JAML: variants seen among roughly 807,000 people sequenced by gnomAD.
The protein encoded by JAML is junctional adhesion molecule-like.
A neutral mutation model predicts 39.3 loss-of-function variants in JAML; 25 were observed. The ratio of observed to expected loss-of-function variants is 0.64; its 90% CI spans 0.46 to 0.89. JAML has a LOEUF of 0.89. JAML is among the 40% of genes least tolerant of loss of function. The pLI, the probability that JAML is intolerant of heterozygous loss-of-function variation, is 0.00. For missense variants in JAML, 440 were observed against 486.9 expected (o/e 0.90, Z 0.91); for synonymous variants, 162 against 179.2 (o/e 0.90, Z 0.77).
intron 6 of JAML, 24 bp downstream of exon 6, chr11:118,203,404 G>A: frequency 6.2e-7 from 1 of 1,604,274 alleles, no homozygotes. Flanking sequence ...GTCCCTCAAT[G>A]CTCCCCAGCC....
At chr11:118,202,394 C>T (rs776209042) in intron 6 of JAML, 5 of 154,276 alleles carry the variant, frequency 3.2e-5, no homozygotes, top group Admixed American at 1.3e-4. Context: ...ATTGAGCAAA[C>T]GTATCCATTG....
At chr11:118,199,256 G>A (rs1434672539) in intron 7 of JAML, among the ~76,000 whole-genome samples, 1 of 152,134 alleles carries the variant, frequency 6.6e-6, no homozygotes, top group African/African-American at 2.4e-5. Context: ...CTTTCCTTTG[G>A]CGGGAAACTG....
intron 4 of JAML, among the ~76,000 whole-genome samples, chr11:118,206,623 A>G (rs1948921436): frequency 6.6e-6 from 1 of 152,294 alleles, no homozygotes; most frequent in East Asian, 1.9e-4. Context: ...CTTGCTAATT[A>G]GGCCAAGACA....
chr11:118,214,907 A>G (rs1160537926), intron 1 of JAML, 21 bp from the exon 2 acceptor site: 2 of 1,602,382 alleles, frequency 1.2e-6, no homozygotes, highest in African/African-American at 2.7e-5. Context: ...AAGAACAAAA[A>G]TCACAAAATC....
At chr11:118,217,752 A>T (rs1949161947) in intron 1 of JAML, among the ~76,000 whole-genome samples, 1 of 152,220 alleles carries the variant, frequency 6.6e-6, no homozygotes, top group Admixed American at 6.5e-5. Context: ...AGATGAGGAA[A>T]TGAGGCAGAG....
At chr11:118,208,335 T>TG (rs2134662794) in intron 4 of JAML, among the ~76,000 whole-genome samples, 1 of 152,100 alleles carries the variant, frequency 6.6e-6, no homozygotes, top group South Asian at 2.1e-4. Context: ...AAAATGACAA[T>TG]GAAAAAAAAG....
chr11:118,196,532 G>A (rs890792528), intron 9 of JAML, among the ~76,000 whole-genome samples: 1 of 152,150 alleles, frequency 6.6e-6, no homozygotes, highest in Admixed American at 6.5e-5. Flanking sequence ...ATAATCTCTG[G>A]TGATAACCTT....
chr11:118,197,934 C>G, intron 8 of JAML, 64 bp downstream of exon 8: 1 of 1,449,020 alleles, frequency 6.9e-7, no homozygotes, highest in Non-Finnish European at 9.7e-7. Flanking sequence ...ATATGGTTCC[C>G]GGGGGTATGA....
At chr11:118,195,793 C>T (rs1948640222) in intron 9 of JAML, among the ~76,000 whole-genome samples, 1 of 152,150 alleles carries the variant, frequency 6.6e-6, no homozygotes, top group Admixed American at 6.5e-5. Context: ...CAACACAATA[C>T]TTGCCCAAGG....
At chr11:118,214,740 G>T in intron 2 of JAML, 84 bp downstream of exon 2, 1 of 1,426,836 alleles carries the variant, frequency 7.0e-7, no homozygotes, top group Non-Finnish European at 9.8e-7. Flanking sequence ...CAAGGGAATC[G>T]AAAATATGTA....
intron 7 of JAML, among the ~76,000 whole-genome samples, chr11:118,198,382 G>A (rs200940925): frequency 6.6e-6 from 1 of 152,168 alleles, no homozygotes; most frequent in East Asian, 1.9e-4. Context: ...AATTTTAAGT[G>A]AATGAAGAGA....
chr11:118,221,145 T>C (rs574995219), intron 1 of JAML, among the ~76,000 whole-genome samples: 2 of 152,318 alleles, frequency 1.3e-5, no homozygotes, highest in African/African-American at 2.4e-5. Flanking sequence ...TCAGTCACCA[T>C]TGGAACTGAG....
intron 7 of JAML, among the ~76,000 whole-genome samples, chr11:118,200,177 T>C (rs185558013): frequency 6.6e-6 from 1 of 152,168 alleles, no homozygotes; most frequent in Non-Finnish European, 1.5e-5. Context: ...AATGGTACCA[T>C]GATAGTTCTT....
At chr11:118,217,285 C>T (rs1216063294) in intron 1 of JAML, among the ~76,000 whole-genome samples, 4 of 152,202 alleles carry the variant, frequency 2.6e-5, no homozygotes, top group Admixed American at 6.5e-5. Flanking sequence ...CAGCAGTCCC[C>T]GCTCCACTCT....
At position 118,223,837 on chromosome 11, in the gene JAML, A is replaced by T. The variant is rs184504376; in HGVS notation, c.-21+1104T>A. On this transcript the variant is annotated intron_variant, in intron 1 of 9. Transcript: ENST00000356289. ...CAGAAAAGAAATCTTCAGAAAAGAG[A>T]CATGCTACAATGAGACTACCATACA... is the stretch of plus-strand genomic sequence containing the variant. 3.9e-5 allele frequency among the ~76,000 whole-genome samples: 6 copies of T among 152,280 alleles called. No individual in the cohort carries two copies. The East Asian group carries it at 1.2e-3, about 29-fold the overall frequency.
intron 8 of JAML, 150 bp downstream of exon 8, chr11:118,197,848 T>C: frequency 1.4e-6 from 1 of 702,040 alleles, no homozygotes; most frequent in Admixed American, 2.5e-5. Flanking sequence ...AGGCTCTTAC[T>C]TTAGTGACAA....
At chr11:118,211,115 G>A (rs914705812) in intron 3 of JAML, among the ~76,000 whole-genome samples, 1 of 152,200 alleles carries the variant, frequency 6.6e-6, no homozygotes, top group Non-Finnish European at 1.5e-5. Context: ...TGGTGTTGGC[G>A]TAAGAATTCC....
At chr11:118,220,462 T>A (rs750228038) in intron 1 of JAML, among the ~76,000 whole-genome samples, 1 of 152,168 alleles carries the variant, frequency 6.6e-6, no homozygotes, top group South Asian at 2.1e-4. Flanking sequence ...ACAAATCCCA[T>A]CTGTTCCTTC....
chr11:118,221,052 C>T (rs1441684835), intron 1 of JAML, among the ~76,000 whole-genome samples: 1 of 152,194 alleles, frequency 6.6e-6, no homozygotes, highest in African/African-American at 2.4e-5. Context: ...GAGATGCCTC[C>T]TCTACCCCTT....
Sources: gnomAD v4.1 joint callset for allele counts (sites outside exome capture counted in the v4.1 genomes callset) on GRCh38, gnomAD v4.1.1 for gene constraint, MANE v1.5 for transcripts, NCBI Gene and HGNC (gene_info 2026-07-23, HGNC 2026-07-21) for gene names.